Variants in CFAP20DC observed in about 807,000 individuals in gnomAD.
CFAP20DC encodes the protein CFAP20 domain containing, also known as protein CFAP20DC.
In CFAP20DC, 84 loss-of-function variants were observed where a neutral mutation model predicts 101.7. The observed-to-expected ratio is 0.83, with a 90% confidence interval of 0.69 to 0.99. The LOEUF is 0.99. Among genes scored for constraint, CFAP20DC ranks in the 50% least tolerant of loss-of-function variants. The pLI, the probability that CFAP20DC is intolerant of heterozygous loss-of-function variation, is 0.00. For synonymous variants in CFAP20DC, 359 were observed against 351.2 expected, an observed-to-expected ratio of 1.02 and a Z score of -0.25; for missense variants, 1,007 against 970.3, an observed-to-expected ratio of 1.04 and a Z score of -0.50.
chr3:58,743,089 GA>G (rs1346964292), intron 16 of CFAP20DC, among the ~76,000 whole-genome samples: 3 of 151,840 alleles, frequency 2.0e-5, no homozygotes, highest in African/African-American at 2.4e-5. Context: ...AACATACACA[GA>G]AAAAAAATGT....
intron 13 of CFAP20DC, among the ~76,000 whole-genome samples, chr3:58,842,544 C>T (rs936361006): frequency 8.5e-5 from 13 of 152,212 alleles, no homozygotes; most frequent in South Asian, 8.3e-4. Flanking sequence ...ATTGCTAGCA[C>T]AGCAGTCTGA....
intron 6 of CFAP20DC, among the ~76,000 whole-genome samples, chr3:58,890,570 C>T (rs1273643322): frequency 6.7e-6 from 1 of 150,150 alleles, no homozygotes; most frequent in South Asian, 2.1e-4. Context: ...GGGGGCTGAC[C>T]CCCCCACCTC....
At chr3:58,816,514 C>A (rs1420401703) in intron 14 of CFAP20DC, among the ~76,000 whole-genome samples, 1 of 152,160 alleles carries the variant, frequency 6.6e-6, no homozygotes, top group Non-Finnish European at 1.5e-5. Flanking sequence ...CTTTCCGAGT[C>A]AAAGAAAGGG....
At chr3:58,751,362 A>C (rs1559540782) in intron 16 of CFAP20DC, among the ~76,000 whole-genome samples, 1 of 152,234 alleles carries the variant, frequency 6.6e-6, no homozygotes, top group Non-Finnish European at 1.5e-5. Context: ...GCCTGTAAGA[A>C]GATAAACAAC....
downstream of CFAP20DC, among the ~76,000 whole-genome samples, chr3:58,740,371 T>C (rs895410283): frequency 1.3e-4 from 20 of 152,152 alleles, no homozygotes; most frequent in Non-Finnish European, 2.5e-4. The surrounding 1 kb of genome is among the most constrained non-coding windows in gnomAD (Gnocchi z 4.6). Flanking sequence ...GAGTTAATCC[T>C]ACCATCCTCT....
At chr3:58,981,508 G>A (rs983415667) in intron 4 of CFAP20DC, among the ~76,000 whole-genome samples, 1 of 152,154 alleles carries the variant, frequency 6.6e-6, no homozygotes, top group Non-Finnish European at 1.5e-5. Flanking sequence ...CCAAAACAGA[G>A]ATATAGATCA....
At chr3:58,923,976 G>C (rs2085670795) in intron 5 of CFAP20DC, among the ~76,000 whole-genome samples, 1 of 151,898 alleles carries the variant, frequency 6.6e-6, no homozygotes, top group Non-Finnish European at 1.5e-5. Flanking sequence ...CTATATTCCT[G>C]ATTTCAATTT....
intron 5 of CFAP20DC, among the ~76,000 whole-genome samples, chr3:58,915,362 G>T (rs1307927576): frequency 6.6e-6 from 1 of 152,040 alleles, no homozygotes; most frequent in South Asian, 2.1e-4. Flanking sequence ...AAGTGTTGGG[G>T]TTTCTAGATA....
In CFAP20DC at chr3:59,049,835, A is replaced by G; in HGVS notation, c.-204T>C. ...CCATCTCCCGCCCTCCATCAGCACC[A>G]TTGCGGCTCCAGCCTCCGCGGTGCC... On this transcript the variant is annotated 5_prime_UTR_variant, in exon 1 of 17. The change abolishes an upstream ATG in the 5' untranslated region. Transcript: ENST00000482387. 3 of 627,946 alleles carry G rather than the reference A, an allele frequency of 4.8e-6. No individual in the cohort carries two copies. Among genetic ancestry groups the G allele is most frequent in the South Asian group, 2.0e-5 (1 of 50,768 alleles). The allele number at this position is 627,946 out of a possible 1,614,324, so 38.9% of individuals were successfully genotyped here.
chr3:58,871,990 G>A (rs1045935600), intron 7 of CFAP20DC, among the ~76,000 whole-genome samples: 24 of 152,266 alleles, frequency 1.6e-4, no homozygotes, highest in African/African-American at 5.5e-4. Context: ...GCCACTAGAT[G>A]CAGGTCCCTG....
intron 4 of CFAP20DC, among the ~76,000 whole-genome samples, chr3:59,016,276 T>C (rs1167155329): frequency 6.6e-6 from 1 of 152,054 alleles, no homozygotes; most frequent in Non-Finnish European, 1.5e-5. Context: ...AGTCAGACAT[T>C]ATGTTAAGTG....
At chr3:59,044,106 C>T (rs78254032) in intron 3 of CFAP20DC, among the ~76,000 whole-genome samples, 8,519 of 152,182 alleles carry the variant, frequency 0.056, 564 homozygotes, top group East Asian at 0.38. Flanking sequence ...AATTTCATTA[C>T]TAAACTTTCT....
At chr3:58,753,665 G>T (rs1230774026) in intron 16 of CFAP20DC, 104 bp downstream of exon 16, 13 of 802,094 alleles carry the variant, frequency 1.6e-5, no homozygotes, top group South Asian at 1.3e-4. Flanking sequence ...AAGACTAAGT[G>T]ATCAACATTT....
At chr3:58,950,663 C>T (rs748676311) in intron 4 of CFAP20DC, among the ~76,000 whole-genome samples, 1 of 151,994 alleles carries the variant, frequency 6.6e-6, no homozygotes, top group Non-Finnish European at 1.5e-5. Flanking sequence ...AATAGGGAAA[C>T]GATTCCCTAT....
At chr3:58,939,741 A>C (rs1249617979) in intron 4 of CFAP20DC, among the ~76,000 whole-genome samples, 1 of 142,398 alleles carries the variant, frequency 7.0e-6, no homozygotes, top group Non-Finnish European at 1.5e-5. Flanking sequence ...TACAGGTGTG[A>C]GTCACCGTGC....
chr3:58,966,529 T>C (rs2091553039), intron 4 of CFAP20DC, among the ~76,000 whole-genome samples: 1 of 144,248 alleles, frequency 6.9e-6, no homozygotes, highest in African/African-American at 2.8e-5. Context: ...TAAATATATA[T>C]ATATATTTTT....
chr3:58,807,521 G>A (rs2074199922), intron 14 of CFAP20DC, among the ~76,000 whole-genome samples: 1 of 152,214 alleles, frequency 6.6e-6, no homozygotes, highest in African/African-American at 2.4e-5. Flanking sequence ...CTGTTAGAAG[G>A]AAAACTAACA....
chr3:58,807,021 T>C (rs1250895400), intron 14 of CFAP20DC, among the ~76,000 whole-genome samples: 2 of 151,214 alleles, frequency 1.3e-5, no homozygotes, highest in Non-Finnish European at 2.9e-5. Flanking sequence ...GGGGGAGGGG[T>C]GCCCGCCATT....
chr3:58,954,847 T>C lies in CFAP20DC; in HGVS notation c.279-17085A>G, dbSNP rs535265823. Among the ~76,000 whole-genome samples the C allele has an allele frequency of 3.2e-4, 49 of 152,312 alleles. No homozygotes were observed. The South Asian group carries it at 9.7e-3, about 30-fold the overall frequency. Reference sequence around the variant, plus strand: ...AATGCATATTTTACACCTATGATTTTAAATTAATAACTGGCACTCTTGGAA... The same window carrying C: ...AATGCATATTTTACACCTATGATTTCAAATTAATAACTGGCACTCTTGGAA... On this transcript the variant is annotated intron_variant, in intron 4 of 16. Coordinates refer to ENST00000482387, the MANE Select transcript of CFAP20DC (RefSeq NM_001394063.1).
Sources: gnomAD v4.1 joint callset for allele counts (sites outside exome capture counted in the v4.1 genomes callset) on GRCh38, gnomAD v4.1.1 for gene constraint, Gnocchi (gnomAD v3.1) non-coding constraint, MANE v1.5 for transcripts, NCBI Gene and HGNC (gene_info 2026-07-23, HGNC 2026-07-21) for gene names.